Variants in ZBED6 observed in about 807,000 individuals in gnomAD.
ZBED6 encodes zinc finger BED domain-containing protein 6.
Under a neutral mutation model 58.4 loss-of-function variants are expected in ZBED6, and 40 were observed. The observed-to-expected ratio is 0.68, with a 90% CI of 0.53 to 0.89. The LOEUF (loss-of-function observed/expected upper bound fraction) is 0.89, where lower values mean the gene tolerates loss of function less well. ZBED6 is among the 40% of genes least tolerant of loss of function. ZBED6 has a pLI of 0.00. For synonymous variants in ZBED6, 439 were observed against 350.6 expected (o/e 1.25, Z -2.82); for missense variants, 1,057 against 1,003.9 (o/e 1.05, Z -0.71).
intron 3 of ZBED6, among the ~76,000 whole-genome samples, chr1:203,822,059 A>G (rs760487809): frequency 2.6e-5 from 4 of 152,028 alleles, no homozygotes; most frequent in African/African-American, 9.7e-5. Context: ...GCCTGGCCCT[A>G]TGTATTTAAT....
chr1:203,829,371 T>A (rs1470387370), intron 4 of ZBED6, 80 bp from the exon 5 acceptor site: 1 of 1,421,842 alleles, frequency 7.0e-7, no homozygotes, highest in African/African-American at 1.4e-5. Flanking sequence ...ACACTATAGT[T>A]TTCATAGGTG....
exon 1 of ZBED6, chr1:203,798,299 T>G: frequency 6.5e-7 from 1 of 1,536,048 alleles, no homozygotes; most frequent in Non-Finnish European, 8.7e-7. Flanking sequence ...ATGCTTTAAT[T>G]CCTGGAACTA....
exon 6 of ZBED6, chr1:203,829,877 T>C (rs142084451): frequency 4.1e-5 from 66 of 1,613,882 alleles, no homozygotes; most frequent in Non-Finnish European, 5.2e-5. Flanking sequence ...TCCGGAAACC[T>C]GCAGTCAATA....
At chr1:203,828,207 A>C in intron 3 of ZBED6, 92 bp from the exon 4 acceptor site, 1 of 1,484,118 alleles carries the variant, frequency 6.7e-7, no homozygotes, top group South Asian at 1.2e-5. Context: ...GGATTTTTGA[A>C]CCCTGTATGA....
At chr1:203,797,460 A>G in exon 1 of ZBED6, 1 of 1,399,850 alleles carries the variant, frequency 7.1e-7, no homozygotes, top group East Asian at 2.5e-5. Flanking sequence ...GAACAGCTGT[A>G]TTTCTGCTTG....
intron 4 of ZBED6, among the ~76,000 whole-genome samples, chr1:203,828,711 G>T (rs751762423): frequency 6.6e-6 from 1 of 152,136 alleles, no homozygotes; most frequent in Non-Finnish European, 1.5e-5. Flanking sequence ...TAGGTCAAAG[G>T]TTGGCAAAAC....
intron 11 of ZBED6, 36 bp from the exon 12 acceptor site, chr1:203,847,148 C>G (rs1215122024): frequency 6.2e-7 from 1 of 1,605,702 alleles, no homozygotes; most frequent in Admixed American, 1.7e-5. Context: ...AGATGAACTT[C>G]AAGTATAATG....
At chr1:203,830,178 G>A (rs372776955) in exon 7 of ZBED6, 27 of 1,599,850 alleles carry the variant, frequency 1.7e-5, no homozygotes, top group Non-Finnish European at 2.1e-5. Context: ...CAAAGAAAAT[G>A]AAGGAAAAAT....
At chr1:203,818,792 G>A (rs1677219894) in intron 3 of ZBED6, 103 bp downstream of exon 3, 1 of 1,536,860 alleles carries the variant, frequency 6.5e-7, no homozygotes, top group Non-Finnish European at 8.8e-7. Context: ...TATTAAGGCT[G>A]AGTGCAGTGG....
At chr1:203,797,232 G>T (rs1196581757) in exon 1 of ZBED6, 2 of 200,536 alleles carry the variant, frequency 1.0e-5, no homozygotes, top group Admixed American at 5.7e-5. Context: ...CTGGGAAAGG[G>T]GGACTCAGTT....
chr1:203,828,484 A>G, intron 4 of ZBED6, 62 bp downstream of exon 4: 1 of 1,540,554 alleles, frequency 6.5e-7, no homozygotes, highest in South Asian at 1.2e-5. Context: ...ACACTGTACA[A>G]CAGTACTTTT....
rs59254922 is a variant in ZBED6 at position 203,815,216 on chromosome 1, C to CTTTTTTTT, written c.*2555-1701_*2555-1694dup. On this transcript the variant is annotated intron_variant, in intron 1 of 16. Coordinates refer to ENST00000550078, the Ensembl canonical transcript of ZBED6. Reference sequence around the variant, plus strand: ...TTCATTATTTTCTTCCTTTTCTTTTCTTTTTTTTTTTTTTTTGAGACAGTG... The same window carrying CTTTTTTTT: ...TTCATTATTTTCTTCCTTTTCTTTTCTTTTTTTTTTTTTTTTTTTTTTTTGAGACAGTG... 2.2e-3 allele frequency among the ~76,000 whole-genome samples: 215 copies of CTTTTTTTT among 97,094 alleles called. 13 individuals carry two copies. Among genetic ancestry groups the CTTTTTTTT allele is most frequent in the East Asian group, 0.01 (34 of 3,296 alleles). The allele number at this position is 97,094 out of a possible 152,430, so 63.7% of individuals were successfully genotyped here. A position where few individuals can be genotyped will look rare whatever the true frequency, so the allele number is the denominator to read the frequency against.
At chr1:203,824,233 A>G (rs1487355390) in intron 3 of ZBED6, among the ~76,000 whole-genome samples, 1 of 150,288 alleles carries the variant, frequency 6.7e-6, no homozygotes, top group Non-Finnish European at 1.5e-5. Flanking sequence ...ACACCACTGT[A>G]CTCCAGCCTG....
chr1:203,842,736 TA>T (rs1167367518), intron 11 of ZBED6, among the ~76,000 whole-genome samples: 1 of 151,294 alleles, frequency 6.6e-6, no homozygotes, highest in Non-Finnish European at 1.5e-5. Flanking sequence ...CATATACCTT[TA>T]AAAAAATCTT....
chr1:203,800,261 G>C, exon 1 of ZBED6: 1 of 1,086,628 alleles, frequency 9.2e-7, no homozygotes. Flanking sequence ...TGTGTAGTTG[G>C]CAATCTGAAT....
intron 3 of ZBED6, among the ~76,000 whole-genome samples, chr1:203,821,903 G>A (rs555773377): frequency 9.9e-5 from 15 of 152,048 alleles, no homozygotes; most frequent in African/African-American, 2.9e-4. Context: ...GATTACAGGT[G>A]CCCGCCACCA....
intron 13 of ZBED6, among the ~76,000 whole-genome samples, chr1:203,849,277 C>T (rs565095488): frequency 9.8e-5 from 15 of 152,302 alleles, no homozygotes; most frequent in African/African-American, 3.6e-4. Context: ...TACAGTGTAT[C>T]ATTTTACAGC....
intron 3 of ZBED6, among the ~76,000 whole-genome samples, chr1:203,823,618 C>T (rs1679498097): frequency 6.6e-6 from 1 of 152,210 alleles, no homozygotes; most frequent in Non-Finnish European, 1.5e-5. Context: ...GCAAGCCTTG[C>T]AAGCAGGCAT....
At chr1:203,836,018 A>G (rs1684212767) in intron 9 of ZBED6, 1 of 154,340 alleles carries the variant, frequency 6.5e-6, no homozygotes, top group South Asian at 2.0e-4. Flanking sequence ...TAGAGTACAA[A>G]CCAAACCAGG....
Sources: allele counts gnomAD v4.1 joint callset (sites outside exome capture counted in the v4.1 genomes callset), GRCh38; gene constraint gnomAD v4.1.1; transcripts MANE v1.5; gene names NCBI Gene and HGNC (gene_info 2026-07-23, HGNC 2026-07-21).